Variants in PAX2 observed in about 807,000 individuals in gnomAD.
The protein encoded by PAX2 is paired box protein Pax-2.
In PAX2, 9 loss-of-function variants were observed where a neutral mutation model predicts 41.7. The observed-to-expected ratio is 0.22, with a 90% confidence interval of 0.13 to 0.38. The LOEUF (loss-of-function observed/expected upper bound fraction) is 0.38. Ranked by LOEUF, PAX2 falls within the 10% of genes least tolerant of loss-of-function variation. The pLI, the probability that PAX2 is intolerant of heterozygous loss-of-function variation, is 1.00. For missense variants in PAX2, 418 were observed against 531.6 expected (o/e 0.79, Z 2.10); for synonymous variants, 221 against 212.7 (o/e 1.04, Z -0.34).
At chr10:100,823,707 A>T (rs943835021) in intron 7 of PAX2, among the ~76,000 whole-genome samples, 17 of 152,062 alleles carry the variant, frequency 1.1e-4, no homozygotes, top group African/African-American at 3.9e-4. Context: ...GAGGGGAGAA[A>T]GCAAATTATT....
chr10:100,764,722 T>G (rs1162112092), intron 3 of PAX2, among the ~76,000 whole-genome samples: 2 of 152,166 alleles, frequency 1.3e-5, no homozygotes, highest in Non-Finnish European at 2.9e-5. Context: ...TGCACATTCC[T>G]TCTCTTGGAA....
chr10:100,791,755 C>T lies in PAX2; in HGVS notation c.616+10390C>T, dbSNP rs1039213576. On this transcript the variant is annotated intron_variant, in intron 5 of 9. Transcript: ENST00000355243. This position sits in a 1 kb window ranked among gnomAD's most constrained non-coding sequence, Gnocchi z 4.5. The stretch of plus-strand genomic sequence containing the variant: ...GGTTTGGTAGGAGTGACTCCAGGAG[C>T]CGTTCTTTCCTCCTTTCTTCCCTCC... Among the ~76,000 whole-genome samples the T allele has an allele frequency of 6.6e-6, 1 of 152,188 alleles. No individual in the cohort carries two copies. The highest frequency in any genetic ancestry group is 1.5e-5 in the Non-Finnish European group (1 of 68,032).
chr10:100,740,938 C>T (rs1328998960), upstream of PAX2, among the ~76,000 whole-genome samples: 2 of 152,216 alleles, frequency 1.3e-5, no homozygotes, highest in East Asian at 1.9e-4. Flanking sequence ...CTCCCAGCTT[C>T]GCTATTTTTT....
At chr10:100,757,839 A>G (rs1845689628) in intron 3 of PAX2, among the ~76,000 whole-genome samples, 1 of 152,194 alleles carries the variant, frequency 6.6e-6, no homozygotes. Flanking sequence ...AAGGCTGGGC[A>G]CAGGGGAGCT....
chr10:100,739,243 T>A (rs1564700160), intron 1 of PAX2, among the ~76,000 whole-genome samples: 1 of 152,154 alleles, frequency 6.6e-6, no homozygotes, highest in Non-Finnish European at 1.5e-5. Flanking sequence ...CCAGCCGCTC[T>A]CGCCCCTGGT....
rs563718367 is a variant in PAX2 at position 100,807,240 on chromosome 10, C to T, written c.792+635C>T. ...GCACAACGCAGAAACCATCTCCGAA[C>T]TTTTCTATGTGCTGGTGTGCATGTG... On this transcript the variant is annotated intron_variant, in intron 6 of 9. Transcript: ENST00000355243. Among the ~76,000 whole-genome samples the T allele has an allele frequency of 1.8e-4, 28 of 152,264 alleles. No homozygotes were observed. The South Asian group carries it at 5.6e-3, about 30-fold the overall frequency.
intron 1 of PAX2, among the ~76,000 whole-genome samples, chr10:100,740,446 G>A (rs1378052756): frequency 6.6e-6 from 1 of 152,208 alleles, no homozygotes; most frequent in East Asian, 1.9e-4. Context: ...AAATAAAACA[G>A]GAAGGCGGCG....
Position 100,748,962 on chromosome 10 carries a change from G to A in PAX2, c.44-784G>A, listed in dbSNP as rs1845324016. 1.0e-6 allele frequency: 1 copy of A among 985,252 alleles called. No individual in the cohort carries two copies. Among genetic ancestry groups the A allele is most frequent in the African/African-American group, 1.7e-5 (1 of 57,224 alleles). The allele number at this position is 985,252 out of a possible 1,614,324, so 61.0% of individuals were successfully genotyped here. A position where few individuals can be genotyped will look rare whatever the true frequency, so the allele number is the denominator to read the frequency against. ...GGCAGGCAGGCGAGCCCAAGCAGCC[G>A]GCATTCTCTGCCTGCTGCCTGGAGC... On this transcript the variant is annotated intron_variant, in intron 1 of 9. Transcript: ENST00000355243. This position sits in a 1 kb window ranked among gnomAD's most constrained non-coding sequence, Gnocchi z 5.0.
At chr10:100,738,743 AG>A (rs1394215700) in intron 1 of PAX2, among the ~76,000 whole-genome samples, 1 of 152,124 alleles carries the variant, frequency 6.6e-6, no homozygotes, top group African/African-American at 2.4e-5. Context: ...TTTCTTTTTT[AG>A]GAACAGTTAC....
At chr10:100,744,019 G>A (rs1845054932), upstream of PAX2, among the ~76,000 whole-genome samples, 1 of 152,204 alleles carries the variant, frequency 6.6e-6, no homozygotes, top group South Asian at 2.1e-4. Flanking sequence ...AGGAGTGAGA[G>A]GCTCAGAACC....
chr10:100,763,392 A>G (rs10786607), intron 3 of PAX2, among the ~76,000 whole-genome samples: 46,341 of 152,180 alleles, frequency 0.3, 8,999 homozygotes, highest in African/African-American at 0.54. Flanking sequence ...GGAAACACCT[A>G]TTTTCAGAGA....
chr10:100,799,799 T>C (rs1451442550), intron 5 of PAX2, among the ~76,000 whole-genome samples: 3 of 147,618 alleles, frequency 2.0e-5, no homozygotes, highest in Non-Finnish European at 3.0e-5. Flanking sequence ...CTTTTTTTTT[T>C]TTTTTTTTTT....
At chr10:100,787,020 G>A in intron 5 of PAX2, 1 of 1,374,952 alleles carries the variant, frequency 7.3e-7, no homozygotes, top group Non-Finnish European at 9.8e-7. Flanking sequence ...AGGTATGAGG[G>A]CCAGAGGGAA....
chr10:100,791,305 G>T lies in PAX2; in HGVS notation c.616+9940G>T, dbSNP rs906860006. Among the ~76,000 whole-genome samples, 6 of 152,248 alleles carry T rather than the reference G, an allele frequency of 3.9e-5. No individual in the cohort carries two copies. The highest frequency in any genetic ancestry group is 1.2e-4 in the African/African-American group (5 of 41,560). Reference sequence around the variant, plus strand: ...TTTTACACCTTGCCCTTCTCTTTCTGCCCCAGGCTTCACCTTTTTCAGGAG... The same window carrying T: ...TTTTACACCTTGCCCTTCTCTTTCTTCCCCAGGCTTCACCTTTTTCAGGAG... On this transcript the variant is annotated intron_variant, in intron 5 of 9. Transcript: ENST00000355243. This position sits in a 1 kb window ranked among gnomAD's most constrained non-coding sequence, Gnocchi z 4.5.
At chr10:100,799,547 C>T (rs1475886113) in intron 5 of PAX2, among the ~76,000 whole-genome samples, 1 of 152,188 alleles carries the variant, frequency 6.6e-6, no homozygotes. Context: ...GTGGAGAGAG[C>T]TTCAGAGTCC....
In PAX2 at chr10:100,827,480, TC is replaced by T. The variant is rs1403627104; in HGVS notation, c.1109-61del. On this transcript the variant is annotated intron_variant, in intron 9 of 9. Coordinates refer to ENST00000355243, the MANE Select transcript of PAX2 (RefSeq NM_000278.5). The surrounding 1 kb of genome is among the most constrained non-coding windows in gnomAD (Gnocchi z 8.5). ...GGGAGGTCTTTTCTGTGCTTTTCTT[TC>T]CTTTTTTGTTCTCCTGTTTGTCCTC... is the stretch of plus-strand genomic sequence containing the variant. 1.3e-6 allele frequency: 2 copies of T among 1,535,454 alleles called. No homozygotes were observed. The highest frequency in any genetic ancestry group is 4.5e-5 in the East Asian group (2 of 44,418).
Position 100,824,638 on chromosome 10 carries a change from G to A in PAX2, c.920-10G>A, listed in dbSNP as rs976869929. 1 of 1,590,544 alleles carries A rather than the reference G, an allele frequency of 6.3e-7. No homozygotes were observed. The highest frequency in any genetic ancestry group is 8.6e-7 in the Non-Finnish European group (1 of 1,158,646). ...CCAGGCCTCACCCCTTCCCCTTTGT[G>A]TTTTTCCAGGTCGTGACATGGCGAG... On this transcript the variant is annotated splice_polypyrimidine_tract_variant and intron_variant, in intron 7 of 9. Coordinates refer to ENST00000355243, the MANE Select transcript of PAX2 (RefSeq NM_000278.5). The surrounding 1 kb of genome is among the most constrained non-coding windows in gnomAD (Gnocchi z 6.6).
intron 5 of PAX2, among the ~76,000 whole-genome samples, chr10:100,797,996 G>T (rs1236186921): frequency 6.6e-6 from 1 of 151,916 alleles, no homozygotes; most frequent in East Asian, 1.9e-4. Context: ...AGCTAGGCTT[G>T]GTCAAGTACA....
At chr10:100,783,186 A>C (rs1215318738) in intron 5 of PAX2, among the ~76,000 whole-genome samples, 1 of 152,232 alleles carries the variant, frequency 6.6e-6, no homozygotes, top group Non-Finnish European at 1.5e-5. Context: ...CATTGTTTCT[A>C]ATCAATTCAG....
Sources: gnomAD v4.1 joint callset for allele counts (sites outside exome capture counted in the v4.1 genomes callset) on GRCh38, gnomAD v4.1.1 for gene constraint, Gnocchi (gnomAD v3.1) non-coding constraint, MANE v1.5 for transcripts, NCBI Gene and HGNC (gene_info 2026-07-23, HGNC 2026-07-21) for gene names.